MTMR12: variants seen among roughly 807,000 people sequenced by gnomAD.
The protein encoded by MTMR12 is myotubularin related protein 12, also known as myotubularin-related protein 12.
A neutral mutation model predicts 96.7 loss-of-function variants in MTMR12; 33 were observed. The observed-to-expected ratio is 0.34, with a 90% CI of 0.26 to 0.46. The LOEUF is 0.46. MTMR12 is among the 20% of genes least tolerant of loss of function. The pLI, the probability that MTMR12 is intolerant of heterozygous loss-of-function variation, is 1.00. For synonymous variants in MTMR12, 298 were observed against 327.2 expected, an observed-to-expected ratio of 0.91 and a Z score of 0.96; for missense variants, 721 against 896.1, an observed-to-expected ratio of 0.80 and a Z score of 2.49.
chr5:32,231,036 C>T (rs889297796), intron 15 of MTMR12, among the ~76,000 whole-genome samples: 1 of 152,104 alleles, frequency 6.6e-6, no homozygotes, highest in Non-Finnish European at 1.5e-5. Flanking sequence ...TTTCATATTT[C>T]CCCCCTTGGT....
At chr5:32,241,051 A>C (rs1170228146) in intron 12 of MTMR12, among the ~76,000 whole-genome samples, 1 of 152,242 alleles carries the variant, frequency 6.6e-6, no homozygotes, top group Admixed American at 6.5e-5. Context: ...CAGTTCTATC[A>C]GTCAAAGATT....
chr5:32,268,200 A>T (rs1433385335), intron 6 of MTMR12, among the ~76,000 whole-genome samples: 1 of 152,044 alleles, frequency 6.6e-6, no homozygotes, highest in African/African-American at 2.4e-5. Flanking sequence ...AACAAACCTA[A>T]AAGAAGGTAA....
Position 32,228,560 on chromosome 5 carries a change from T to C in MTMR12, c.*1218A>G, listed in dbSNP as rs1187881801. ...ATATATATATCATATATATGTGATA[T>C]ATATATATCATATATATATCATATA... On this transcript the variant is annotated 3_prime_UTR_variant, in exon 16 of 16. Transcript: ENST00000382142. 1 of 133,840 alleles carries C rather than the reference T, an allele frequency of 7.5e-6. No individual in the cohort carries two copies. Among genetic ancestry groups the C allele is most frequent in the African/African-American group, 3.2e-5 (1 of 31,584 alleles). 8.3% of individuals were successfully genotyped at this position (133,840 alleles called of 1,614,324 possible).
intron 10 of MTMR12, 98 bp from the exon 11 acceptor site, chr5:32,243,697 A>G (rs538211235): frequency 4.2e-6 from 3 of 715,590 alleles, no homozygotes; most frequent in African/African-American, 3.5e-5. Flanking sequence ...TCAGATTAAC[A>G]GTCCTGACTC....
At chr5:32,282,814 T>G (rs1412440127) in intron 1 of MTMR12, among the ~76,000 whole-genome samples, 1 of 152,238 alleles carries the variant, frequency 6.6e-6, no homozygotes, top group Non-Finnish European at 1.5e-5. Flanking sequence ...ACTGGCAATG[T>G]CTGTAGTCTC....
chr5:32,289,331 G>A (rs1224054545), intron 1 of MTMR12, among the ~76,000 whole-genome samples: 2 of 152,106 alleles, frequency 1.3e-5, no homozygotes, highest in Non-Finnish European at 2.9e-5. Flanking sequence ...AGAGAATCAC[G>A]GCCCCTCAAT....
Position 32,248,803 on chromosome 5 carries a change from T to C in MTMR12, c.865A>G (p.Ile289Val). 1 of 1,614,178 alleles carries C rather than the reference T, an allele frequency of 6.2e-7. No individual in the cohort carries two copies. The highest frequency in any genetic ancestry group is 1.1e-5 in the South Asian group (1 of 91,092). Residue 289 changes from isoleucine to valine, a missense_variant, in exon 9 of 16, where the codon ATT becomes GTT. By Grantham distance (29) the Ile-to-Val change is conservative. Coordinates refer to ENST00000382142, the MANE Select transcript of MTMR12 (RefSeq NM_001040446.3). ...SALPKEQDDG[I>V]LQIQKSFLDG... ...AAGAAGCTCTTTTGGATTTGTAAAA[T>C]GCCGTCATCCTGTTCTTTGGGCAGT... is the stretch of plus-strand genomic sequence containing the variant.
chr5:32,264,790 A>T (rs1222727779), intron 6 of MTMR12, among the ~76,000 whole-genome samples: 1 of 151,916 alleles, frequency 6.6e-6, no homozygotes, highest in Non-Finnish European at 1.5e-5. Context: ...AATCCTCACA[A>T]CCCTATAGAA....
intron 6 of MTMR12, among the ~76,000 whole-genome samples, chr5:32,267,083 GAAAAAT>G (rs1749628204): frequency 6.6e-6 from 1 of 150,656 alleles, no homozygotes; most frequent in Middle Eastern, 3.3e-3. Flanking sequence ...CTGTCTTGAA[GAAAAAT>G]AAAAGAGTAA....
chr5:32,242,090 T>C lies in MTMR12; in HGVS notation c.1138A>G (p.Met380Val), dbSNP rs746744077. 4 of 1,613,138 alleles carry C rather than the reference T, an allele frequency of 2.5e-6. No individual in the cohort carries two copies. Among genetic ancestry groups the C allele is most frequent in the Admixed American group, 3.3e-5 (2 of 60,008 alleles). The change falls in exon 12 of 16, where the codon ATG (methionine) becomes GTG (valine). Residue 380 changes from methionine to valine, a missense_variant. Met to Val is a conservative substitution (Grantham distance 21). Transcript: ENST00000382142. ...AGAACATTCATGTTTTGTGCTTCCATACATTCTGTAATCTCTATTGCTTTT... is the reference window on the plus strand; with the variant it reads ...AGAACATTCATGTTTTGTGCTTCCACACATTCTGTAATCTCTATTGCTTTT... ...LKKAIEITEC[M>V]EAQNMNVLLL... is the part of the protein sequence containing the mutation.
rs146436036 is a variant in MTMR12, at chr5:32,248,856, T to C, written c.812A>G (p.Asn271Ser). The C allele has an allele frequency of 2.8e-5, 46 of 1,614,086 alleles. No individual in the cohort carries two copies. In the African/African-American group the frequency reaches 5.7e-4, roughly 20 times the overall value. ...GIPIWCWSCHNGSALLKMSAL... is the reference protein window; with the variant it reads ...GIPIWCWSCHSGSALLKMSAL... Reference sequence around the variant, plus strand: ...TGACATTTTCAAAAGGGCACTTCCATTGTGGCAGGACCAACACCATATCTG... The same window carrying C: ...TGACATTTTCAAAAGGGCACTTCCACTGTGGCAGGACCAACACCATATCTG... The change falls in exon 9 of 16, where the codon AAT becomes AGT. Residue 271 changes from asparagine to serine, a missense_variant. Coordinates refer to ENST00000382142, the MANE Select transcript of MTMR12 (RefSeq NM_001040446.3).
chr5:32,265,290 G>A (rs1347020389), intron 6 of MTMR12, among the ~76,000 whole-genome samples: 1 of 152,142 alleles, frequency 6.6e-6, no homozygotes, highest in Non-Finnish European at 1.5e-5. Context: ...AATTAAACCA[G>A]AATAAAAGAT....
chr5:32,258,805 C>T (rs1749239139), intron 7 of MTMR12, among the ~76,000 whole-genome samples: 1 of 150,344 alleles, frequency 6.7e-6, no homozygotes, highest in African/African-American at 2.5e-5. Context: ...ACTGGGGCCC[C>T]ATGGTTTTAA....
chr5:32,234,072 GCTACCT>G (rs1475418054), intron 14 of MTMR12, 138 bp from the exon 15 acceptor site: 1 of 1,017,242 alleles, frequency 9.8e-7, no homozygotes, highest in Non-Finnish European at 1.4e-6. Flanking sequence ...TAAGGCTGAG[GCTACCT>G]GTGGTTATTC....
At position 32,234,041 on chromosome 5, in the gene MTMR12, G is replaced by A. The variant is rs567584258; in HGVS notation, c.1513-107C>T. 201 of 1,323,106 alleles carry A rather than the reference G, an allele frequency of 1.5e-4. 1 individual carries two copies. The East Asian group carries it at 4.4e-3, about 29-fold the overall frequency. The allele number at this position is 1,323,106 out of a possible 1,614,324, so 82.0% of individuals were successfully genotyped here. On this transcript the variant is annotated intron_variant, in intron 14 of 15. Transcript: ENST00000382142. Reference sequence around the variant, plus strand: ...GAAGCATGCTCCTGCTCTGCCCTGAGAATGAATAATCATGGGCATTTAAGG... The same window carrying A: ...GAAGCATGCTCCTGCTCTGCCCTGAAAATGAATAATCATGGGCATTTAAGG...
In MTMR12 at chr5:32,228,464, T is replaced by G. The variant is rs1270408292; in HGVS notation, c.*1314A>C. On this transcript the variant is annotated 3_prime_UTR_variant, in exon 16 of 16. Transcript: ENST00000382142. ...TTTATGCGATTTGACAGGGTTCCACTGAGAACAAAAAAATCTGCTCCTTAC... is the reference window on the plus strand; with the variant it reads ...TTTATGCGATTTGACAGGGTTCCACGGAGAACAAAAAAATCTGCTCCTTAC... The G allele has an allele frequency of 6.7e-6, 1 of 148,730 alleles. No homozygotes were observed. The highest frequency in any genetic ancestry group is 6.8e-5 in the Admixed American group (1 of 14,770). 9.2% of individuals were successfully genotyped at this position (148,730 alleles called of 1,614,324 possible).
At chr5:32,280,781 G>A (rs1329691649) in intron 1 of MTMR12, among the ~76,000 whole-genome samples, 1 of 152,014 alleles carries the variant, frequency 6.6e-6, no homozygotes, top group African/African-American at 2.4e-5. Flanking sequence ...AGTTTCCTCC[G>A]ATATACTAAA....
intron 6 of MTMR12, among the ~76,000 whole-genome samples, chr5:32,264,296 C>G (rs1749503290): frequency 6.6e-6 from 1 of 152,120 alleles, no homozygotes; most frequent in Admixed American, 6.5e-5. Flanking sequence ...TAGTTCAAGT[C>G]TTTGCACATC....
Position 32,228,568 on chromosome 5 carries a change from T to TGA in MTMR12, c.*1209_*1210insTC, listed in dbSNP as rs1554053385. Reference sequence around the variant, plus strand: ...ATCATATATATGTGATATATATATATCATATATATATCATATATATGTGAT... The same window carrying TGA: ...ATCATATATATGTGATATATATATATGACATATATATATCATATATATGTGAT... On this transcript the variant is annotated 3_prime_UTR_variant, in exon 16 of 16. Coordinates refer to ENST00000382142, the MANE Select transcript of MTMR12 (RefSeq NM_001040446.3). 1.6e-5 allele frequency: 2 copies of TGA among 124,158 alleles called. No homozygotes were observed. The highest frequency in any genetic ancestry group is 8.0e-5 in the African/African-American group (2 of 25,012). 7.7% of individuals were successfully genotyped at this position (124,158 alleles called of 1,614,324 possible). A position where few individuals can be genotyped will look rare whatever the true frequency, so the allele number is the denominator to read the frequency against.
Sources: allele counts gnomAD v4.1 joint callset (sites outside exome capture counted in the v4.1 genomes callset), GRCh38; gene constraint gnomAD v4.1.1; transcripts MANE v1.5; gene names NCBI Gene and HGNC (gene_info 2026-07-23, HGNC 2026-07-21).